PASK: variants seen among roughly 807,000 people sequenced by gnomAD.
The protein encoded by PASK is PAS domain-containing serine/threonine-protein kinase.
In PASK, 110 loss-of-function variants were observed where a neutral mutation model predicts 121.0. That is an observed-to-expected ratio of 0.91 (90% CI 0.78 to 1.06). The LOEUF (loss-of-function observed/expected upper bound fraction) is 1.06, where lower values mean the gene tolerates loss of function less well. PASK is among the 50% of genes least tolerant of loss of function. The pLI is 0.00. For synonymous variants in PASK, 686 were observed against 717.8 expected, an observed-to-expected ratio of 0.96 and a Z score of 0.71; for missense variants, 1,643 against 1,702.3, an observed-to-expected ratio of 0.97 and a Z score of 0.61.
At chr2:241,150,237 C>G (rs1429839524), upstream of PASK, 2 of 1,284,036 alleles carry the variant, frequency 1.6e-6, no homozygotes, top group East Asian at 3.1e-5. Flanking sequence ...CCCGCTTCGA[C>G]TCCCTCTGCT....
intron 8 of PASK, chr2:241,133,416 G>C: frequency 2.9e-6 from 1 of 339,146 alleles, no homozygotes; most frequent in South Asian, 2.5e-5. Context: ...AAGTATTAGA[G>C]GCCTTGGGAT....
intron 3 of PASK, 32 bp downstream of exon 3, chr2:241,140,489 T>G (rs760751278): frequency 2.8e-6 from 4 of 1,438,868 alleles, no homozygotes; most frequent in Non-Finnish European, 3.9e-6. Context: ...AATCCACATC[T>G]ACACAGCTGG....
At position 241,143,019 on chromosome 2, in the gene PASK, C is replaced by T. The variant is rs1341883398; in HGVS notation, c.14G>A (p.Gly5Asp). The change falls in exon 2 of 18, where the codon GGC (glycine) becomes GAC (aspartate). Residue 5 changes from glycine (G) to aspartate (D), a missense_variant. Physicochemically the swap from Gly to Asp is moderately conservative, Grantham distance 94. Around this residue, in one of 3 missense-constraint regions of PASK, gnomAD observed 1,176 missense variants for 1,162.2 expected, o/e 1.01. Transcript: ENST00000234040. ...CTGGTCCTCTTCAAAGGCTGTTAAG[C>T]CCCCGTCCTCCATGGGAAGAAGGGA... MEDG[G>D]LTAFEEDQRC... is the part of the protein sequence containing the mutation. 1.2e-6 allele frequency: 2 copies of T among 1,613,620 alleles called. No individual in the cohort carries two copies. The highest frequency in any genetic ancestry group is 1.7e-6 in the Non-Finnish European group (2 of 1,179,708).
chr2:241,114,917 A>G (rs2125407310), intron 14 of PASK, 126 bp downstream of exon 14: 3 of 1,573,600 alleles, frequency 1.9e-6, no homozygotes, highest in Middle Eastern at 1.9e-4. Flanking sequence ...ACTCCATGAA[A>G]TCCCCACACA....
At chr2:241,132,732 A>G in intron 9 of PASK, 142 bp downstream of exon 9, 1 of 740,554 alleles carries the variant, frequency 1.4e-6, no homozygotes, top group Non-Finnish European at 2.4e-6. Flanking sequence ...GTGTGTGTGG[A>G]AGAGAGCAGG....
chr2:241,121,983 A>G (rs1189132029), intron 12 of PASK, among the ~76,000 whole-genome samples: 1 of 152,250 alleles, frequency 6.6e-6, no homozygotes, highest in Non-Finnish European at 1.5e-5. Flanking sequence ...AAACAAAAAG[A>G]TATCTGAACA....
intron 12 of PASK, chr2:241,119,079 G>T: frequency 2.8e-6 from 1 of 358,260 alleles, no homozygotes. Context: ...AAGTCGGGAG[G>T]GAAGCCCACA....
intron 14 of PASK, chr2:241,114,105 CTGTT>C: frequency 3.6e-5 from 35 of 985,372 alleles, no homozygotes; most frequent in South Asian, 4.7e-5. Context: ...TACAGATACT[CTGTT>C]TGCTGTAAAA....
intron 14 of PASK, chr2:241,113,314 G>A (rs1034566134): frequency 1.3e-5 from 2 of 151,962 alleles, no homozygotes; most frequent in African/African-American, 2.4e-5. Flanking sequence ...AGCTAAGCCC[G>A]ATTAACTTAC....
Position 241,117,824 on chromosome 2 carries a change from A to G in PASK, c.3073-2411T>C, listed in dbSNP as rs112413523. On this transcript the variant is annotated intron_variant, in intron 12 of 17. Transcript: ENST00000234040. ...GAGAAAAATAAACACACTTTAATAC[A>G]TACAAGGACTGAATGTATAGTACCC... Among the ~76,000 whole-genome samples, 391 of 152,338 alleles carry G rather than the reference A, an allele frequency of 2.6e-3. 3 individuals are homozygous for G. The highest frequency in any genetic ancestry group is 8.7e-3 in the African/African-American group (363 of 41,574).
chr2:241,139,735 C>G lies in PASK; in HGVS notation c.600+150G>C, dbSNP rs555347181. The G allele has an allele frequency of 6.4e-6, 5 of 776,820 alleles. No individual in the cohort carries two copies. In the South Asian group the frequency reaches 7.3e-5, roughly 11 times the overall value. The allele number at this position is 776,820 out of a possible 1,614,324, so 48.1% of individuals were successfully genotyped here. A position where few individuals can be genotyped will look rare whatever the true frequency, so the allele number is the denominator to read the frequency against. The stretch of plus-strand genomic sequence containing the variant: ...CACTGCAGCTGAAGCGGGGAAACGG[C>G]GCCTGGGATGACATTTTCAGCTGAA... On this transcript the variant is annotated intron_variant, in intron 4 of 17. Transcript: ENST00000234040.
chr2:241,149,635 GCCAAAGGAATAATGGGCGCCTCCGCC>G, upstream of PASK: 1 of 1,539,260 alleles, frequency 6.5e-7, no homozygotes, highest in South Asian at 1.2e-5. Flanking sequence ...CTTCGGAGGA[GCCAAAGGAATAATGGGCGCCTCCGCC>G]CCCGGGCCGG....
At chr2:241,141,793 CCTGA>C (rs1174668747) in intron 2 of PASK, among the ~76,000 whole-genome samples, 1 of 152,070 alleles carries the variant, frequency 6.6e-6, no homozygotes, top group Non-Finnish European at 1.5e-5. Flanking sequence ...AGCCAGGACC[CCTGA>C]CTTTCTCAGT....
At chr2:241,147,427 G>C (rs1231808313) in intron 1 of PASK, among the ~76,000 whole-genome samples, 1 of 152,070 alleles carries the variant, frequency 6.6e-6, no homozygotes, top group Non-Finnish European at 1.5e-5. Flanking sequence ...AGATCAGCCT[G>C]GGCAACATAG....
chr2:241,118,799 A>G (rs13415659), intron 12 of PASK: 210,327 of 456,124 alleles, frequency 0.46, 53,880 homozygotes, highest in African/African-American at 0.83. Flanking sequence ...TGGCCAAGGA[A>G]CAGGCCAGCG....
Position 241,139,996 on chromosome 2 carries a change from A to T in PASK, c.489T>A (p.Ile163=). 1 of 1,614,076 alleles carries T rather than the reference A, an allele frequency of 6.2e-7. No individual in the cohort carries two copies. Among genetic ancestry groups the T allele is most frequent in the African/African-American group, 1.3e-5 (1 of 75,072 alleles). Residue 163 remains isoleucine, a synonymous_variant, in exon 4 of 18, where the codon ATT becomes ATA. Coordinates refer to ENST00000234040, the MANE Select transcript of PASK (RefSeq NM_015148.4). The part of the protein sequence containing the change: ...GLLGYSSQDL[I]GQKLTQFFLR... ...GAAAGAACTGCGTGAGCTTCTGGCC[A>T]ATCAGGTCCTGGCTGCTGTACCCCA...
chr2:241,138,066 T>G lies in PASK; in HGVS notation c.763A>C (p.Ser255Arg). ...TACCCGTGAAGATGAGCAAAGAGACTGTCACATGACGTGACGGTGCCCTGG... is the reference window on the plus strand; with the variant it reads ...TACCCGTGAAGATGAGCAAAGAGACGGTCACATGACGTGACGGTGCCCTGG... Reference protein sequence around the residue: ...QSDGTVTSCDSLFAHLHGYVS... With the variant: ...QSDGTVTSCDRLFAHLHGYVS... Residue 255 changes from serine to arginine, a missense_variant, in exon 6 of 18, where the codon AGT becomes CGT. Transcript: ENST00000234040. 1 of 1,614,174 alleles carries G rather than the reference T, an allele frequency of 6.2e-7. No homozygotes were observed. Among genetic ancestry groups the G allele is most frequent in the Non-Finnish European group, 8.5e-7 (1 of 1,179,972 alleles).
Position 241,122,744 on chromosome 2 carries a change from T to G in PASK, c.3060A>C (p.Glu1020Asp). 2 of 1,614,166 alleles carry G rather than the reference T, an allele frequency of 1.2e-6. No individual in the cohort carries two copies. Among genetic ancestry groups the G allele is most frequent in the Non-Finnish European group, 1.7e-6 (2 of 1,180,002 alleles). Reference protein sequence around the residue: ...FGFVWTAVDKEKNKEVVVKFI... With the variant: ...FGFVWTAVDKDKNKEVVVKFI... ...ACAGCCAGGTTACCTCCTTGTTTTT[T>G]TCCTTGTCCACAGCAGTCCACACGA... Residue 1020 changes from glutamate (E) to aspartate (D), a missense_variant, in exon 12 of 18, where the codon GAA becomes GAC. Transcript: ENST00000234040.
chr2:241,110,976 C>T (rs1411075584), intron 15 of PASK, among the ~76,000 whole-genome samples: 1 of 152,224 alleles, frequency 6.6e-6, no homozygotes, highest in Non-Finnish European at 1.5e-5. Flanking sequence ...CATCCAGGCC[C>T]AGAAGAGCTC....
Sources: gnomAD v4.1 joint callset for allele counts (sites outside exome capture counted in the v4.1 genomes callset) on GRCh38, gnomAD v4.1.1 for gene constraint, gnomAD v4.1.1 regional missense constraint, MANE v1.5 for transcripts, NCBI Gene and HGNC (gene_info 2026-07-23, HGNC 2026-07-21) for gene names.